NALF1: variants seen among roughly 807,000 people sequenced by gnomAD.
NALF1 encodes the protein NALCN channel auxiliary factor 1, also known as family with sequence similarity 155 member A.
A neutral mutation model predicts 48.4 loss-of-function variants in NALF1; 3 were observed. The ratio of observed to expected loss-of-function variants is 0.06; its 90% CI spans 0.03 to 0.16. The LOEUF (loss-of-function observed/expected upper bound fraction) is 0.16, where lower values mean the gene tolerates loss of function less well. Among genes scored for constraint, NALF1 ranks in the 10% least tolerant of loss-of-function variants. The pLI, the probability that NALF1 is intolerant of heterozygous loss-of-function variation, is 1.00. For synonymous variants in NALF1, 262 were observed against 245.7 expected, an observed-to-expected ratio of 1.07 and a Z score of -0.62; for missense variants, 526 against 571.5, an observed-to-expected ratio of 0.92 and a Z score of 0.81.
chr13:107,438,691 G>C (rs1252499238), intron 1 of NALF1, among the ~76,000 whole-genome samples: 3 of 151,644 alleles, frequency 2.0e-5, no homozygotes, highest in Non-Finnish European at 4.4e-5. Context: ...TGTGGTTGGT[G>C]GTGGGCACCT....
At chr13:107,174,293 G>A (rs528354770) in intron 2 of NALF1, among the ~76,000 whole-genome samples, 10 of 152,202 alleles carry the variant, frequency 6.6e-5, no homozygotes, top group Admixed American at 6.5e-4. Context: ...CGGCCTGTGA[G>A]CTGCACGTGA....
At chr13:107,307,620 T>G (rs1329657921) in intron 1 of NALF1, among the ~76,000 whole-genome samples, 1 of 138,060 alleles carries the variant, frequency 7.2e-6, no homozygotes, top group Non-Finnish European at 1.5e-5. Flanking sequence ...AGTAGCTGGA[T>G]GATTCCTTTT....
chr13:107,406,702 T>G (rs1883905696), intron 1 of NALF1, among the ~76,000 whole-genome samples: 2 of 151,856 alleles, frequency 1.3e-5, no homozygotes, highest in African/African-American at 4.8e-5. Flanking sequence ...TGGAACCATC[T>G]CTATTCATTT....
chr13:107,716,249 G>C (rs1195153683), intron 1 of NALF1, among the ~76,000 whole-genome samples: 1 of 152,184 alleles, frequency 6.6e-6, no homozygotes, highest in Non-Finnish European at 1.5e-5. Context: ...TTCAGTCTTT[G>C]CATTTGGAAA....
chr13:107,452,247 C>A (rs75129193), intron 1 of NALF1, among the ~76,000 whole-genome samples: 2 of 152,244 alleles, frequency 1.3e-5, no homozygotes, highest in African/African-American at 4.8e-5. Flanking sequence ...CATGGCCTTA[C>A]GTGTGTTATT....
chr13:107,358,812 T>C (rs1355002839), intron 1 of NALF1, among the ~76,000 whole-genome samples: 3 of 152,094 alleles, frequency 2.0e-5, no homozygotes, highest in Non-Finnish European at 4.4e-5. Flanking sequence ...CCATGTATTT[T>C]TTCTATTTAC....
At chr13:107,679,262 A>C (rs1040420839) in intron 1 of NALF1, among the ~76,000 whole-genome samples, 12 of 152,238 alleles carry the variant, frequency 7.9e-5, no homozygotes, top group Non-Finnish European at 1.5e-4. Context: ...TTTTTTCACA[A>C]AACATTTTCT....
intron 1 of NALF1, among the ~76,000 whole-genome samples, chr13:107,266,172 T>A (rs1004210223): frequency 1.3e-5 from 2 of 152,146 alleles, no homozygotes; most frequent in African/African-American, 4.8e-5. Context: ...TCTCCTTCTT[T>A]CCATTCAGAT....
intron 1 of NALF1, among the ~76,000 whole-genome samples, chr13:107,355,633 C>G (rs1174342580): frequency 2.0e-5 from 3 of 152,058 alleles, no homozygotes; most frequent in African/African-American, 7.2e-5. Flanking sequence ...GCGTGTAGCA[C>G]TTCCCCCTTC....
At chr13:107,231,058 C>CAAAAAAAAAAAAAAAAAAAAAAAAA in intron 1 of NALF1, among the ~76,000 whole-genome samples, 1 of 83,588 alleles carries the variant, frequency 1.2e-5, no homozygotes, top group Non-Finnish European at 2.3e-5. Context: ...AAGACCCGGC[C>CAAAAAAAAAAAAAAAAAAAAAAAAA]AAAAAAAAAA....
At chr13:107,497,085 T>A (rs1875362619) in intron 1 of NALF1, among the ~76,000 whole-genome samples, 1 of 152,196 alleles carries the variant, frequency 6.6e-6, no homozygotes, top group Admixed American at 6.6e-5. Context: ...GTCCTATTTT[T>A]AAAGTTTTCT....
chr13:107,228,722 C>T (rs1391107551), intron 1 of NALF1, among the ~76,000 whole-genome samples: 3 of 152,262 alleles, frequency 2.0e-5, no homozygotes, highest in South Asian at 4.1e-4. Flanking sequence ...CGGGCTCAAG[C>T]GATTCTCCTG....
chr13:107,608,803 T>C (rs989197518), intron 1 of NALF1, among the ~76,000 whole-genome samples: 1 of 152,182 alleles, frequency 6.6e-6, no homozygotes, highest in African/African-American at 2.4e-5. Flanking sequence ...ACGGCATCCT[T>C]TGAAGCAGGA....
intron 1 of NALF1, among the ~76,000 whole-genome samples, chr13:107,517,887 C>A (rs58743455): frequency 1.3e-5 from 2 of 151,132 alleles, no homozygotes; most frequent in East Asian, 2.0e-4. Flanking sequence ...GGGAGGTGGA[C>A]GTTTCAGTGA....
intron 1 of NALF1, among the ~76,000 whole-genome samples, chr13:107,350,869 T>C (rs996289842): frequency 2.0e-5 from 3 of 152,146 alleles, no homozygotes; most frequent in African/African-American, 7.2e-5. Context: ...TCTAAGAAGA[T>C]CACAAGTGAC....
chr13:107,228,972 C>T (rs993979637), intron 1 of NALF1, among the ~76,000 whole-genome samples: 2 of 151,910 alleles, frequency 1.3e-5, no homozygotes, highest in African/African-American at 4.8e-5. Flanking sequence ...GCATGAAAAA[C>T]CCTCCATTTC....
chr13:107,763,299 C>A (rs1211852011), intron 1 of NALF1, among the ~76,000 whole-genome samples: 1 of 151,832 alleles, frequency 6.6e-6, no homozygotes, highest in Non-Finnish European at 1.5e-5. Context: ...GTAAAAATAG[C>A]GACTCCAGTA....
intron 1 of NALF1, among the ~76,000 whole-genome samples, chr13:107,312,876 G>A (rs1882074587): frequency 6.6e-6 from 1 of 152,100 alleles, no homozygotes; most frequent in South Asian, 2.1e-4. Flanking sequence ...AGCTATTTTA[G>A]TGCCTTACTC....
chr13:107,593,838 C>T (rs764925870), intron 1 of NALF1, among the ~76,000 whole-genome samples: 2 of 149,402 alleles, frequency 1.3e-5, no homozygotes, highest in African/African-American at 4.9e-5. Context: ...AAAACAGAAA[C>T]GGAAACTTGT....
Sources: gnomAD v4.1 joint callset for allele counts (sites outside exome capture counted in the v4.1 genomes callset) on GRCh38, gnomAD v4.1.1 for gene constraint, MANE v1.5 for transcripts, NCBI Gene and HGNC (gene_info 2026-07-23, HGNC 2026-07-21) for gene names.